The following SNX8 variants were observed in gnomAD, a reference collection of about 807,000 sequenced individuals.
SNX8 encodes sorting nexin 8.
In SNX8, 25 loss-of-function variants were observed where a neutral mutation model predicts 51.6. The observed-to-expected ratio is 0.48, with a 90% CI of 0.35 to 0.68. The LOEUF is 0.68. Ranked by LOEUF, SNX8 falls within the 30% of genes least tolerant of loss-of-function variation. The pLI is 0.00. For missense variants in SNX8, 695 were observed against 624.0 expected (o/e 1.11, Z -1.21); for synonymous variants, 324 against 277.0 (o/e 1.17, Z -1.68).
At chr7:2,351,258 C>G (rs1779133668) in intron 1 of SNX8, among the ~76,000 whole-genome samples, 1 of 152,162 alleles carries the variant, frequency 6.6e-6, no homozygotes, top group Non-Finnish European at 1.5e-5. Flanking sequence ...CTCAGAGGCT[C>G]AGAAATAGAC....
At chr7:2,312,922 G>C (rs1008748078) in intron 1 of SNX8, among the ~76,000 whole-genome samples, 2 of 152,072 alleles carry the variant, frequency 1.3e-5, no homozygotes, top group South Asian at 4.1e-4. Flanking sequence ...TTTTGAGGCG[G>C]AGTCTCGCTC....
At chr7:2,300,419 T>G (rs1796364945) in intron 1 of SNX8, among the ~76,000 whole-genome samples, 1 of 152,012 alleles carries the variant, frequency 6.6e-6, no homozygotes, top group Admixed American at 6.6e-5. Flanking sequence ...GCTTTCTCTC[T>G]TTTTTTTGGA....
At chr7:2,288,519 T>A (rs555619167) in intron 1 of SNX8, 6 of 166,620 alleles carry the variant, frequency 3.6e-5, no homozygotes, top group African/African-American at 1.4e-4. Context: ...CTTTCCCTAC[T>A]CAAAGTGAGT....
intron 1 of SNX8, among the ~76,000 whole-genome samples, chr7:2,349,628 GATTTCACC>G (rs1232674736): frequency 3.3e-5 from 5 of 151,758 alleles, no homozygotes; most frequent in Non-Finnish European, 5.9e-5. Flanking sequence ...GTAAAGATGA[GATTTCACC>G]ATGTTGTCTA....
intron 1 of SNX8, among the ~76,000 whole-genome samples, chr7:2,330,910 C>T (rs925798537): frequency 8.5e-5 from 13 of 152,184 alleles, no homozygotes; most frequent in South Asian, 6.2e-4. Flanking sequence ...AGACACCGGG[C>T]GCGGTGGCTC....
intron 10 of SNX8, 54 bp from the exon 11 acceptor site, chr7:2,255,223 C>A (rs2115083836): frequency 8.6e-7 from 1 of 1,163,146 alleles, no homozygotes; most frequent in Non-Finnish European, 1.2e-6. Context: ...GGCTCCTCCT[C>A]ACGCTCTGAT....
chr7:2,319,814 CAA>C (rs35408698), intron 1 of SNX8, among the ~76,000 whole-genome samples: 4 of 78,454 alleles, frequency 5.1e-5, no homozygotes, highest in Non-Finnish European at 5.1e-5. Flanking sequence ...GACTCCGTCT[CAA>C]AAAAAAAAAA....
At chr7:2,277,033 C>A (rs528738827) in intron 2 of SNX8, among the ~76,000 whole-genome samples, 2 of 152,374 alleles carry the variant, frequency 1.3e-5, no homozygotes, top group Non-Finnish European at 2.9e-5. Context: ...CAGTGCCGTC[C>A]GGCCGGGGCT....
At chr7:2,352,940 G>T (rs1232565974) in intron 1 of SNX8, among the ~76,000 whole-genome samples, 7 of 152,176 alleles carry the variant, frequency 4.6e-5, no homozygotes, top group East Asian at 1.9e-4. Context: ...GCATGATGAG[G>T]AGTAGTCAAA....
chr7:2,329,404 C>T (rs951258118), intron 1 of SNX8, among the ~76,000 whole-genome samples: 7 of 152,204 alleles, frequency 4.6e-5, no homozygotes, highest in South Asian at 2.1e-4. Context: ...ACCCTATTGC[C>T]GGCCTAGTCG....
At chr7:2,271,564 C>T (rs1398564069) in intron 4 of SNX8, among the ~76,000 whole-genome samples, 1 of 152,218 alleles carries the variant, frequency 6.6e-6, no homozygotes, top group African/African-American at 2.4e-5. Context: ...TCTGGCACCT[C>T]CCTAAACCCT....
At chr7:2,263,142 G>A in intron 7 of SNX8, 88 bp downstream of exon 7, 2 of 1,460,248 alleles carry the variant, frequency 1.4e-6, no homozygotes, top group African/African-American at 1.4e-5. Flanking sequence ...AAAACGAACT[G>A]TGACGCCCAT....
rs1258985437 is a variant in SNX8 at position 2,267,329 on chromosome 7, CCCCTCT to C, written c.621+2224_621+2229del. 1.8e-3 allele frequency among the ~76,000 whole-genome samples: 236 copies of C among 131,326 alleles called. 1 individual carries two copies. The highest frequency in any genetic ancestry group is 5.6e-3 in the African/African-American group (179 of 32,212). 86.2% of individuals were successfully genotyped at this position (131,326 alleles called of 152,430 possible). ...CTCCCTCCCCCTCCCCCTCCCCCTCCCCCTCTCCCTCTCCCTCACCCCACAGTCTCC... is the reference window on the plus strand; with the variant it reads ...CTCCCTCCCCCTCCCCCTCCCCCTCCCCCTCTCCCTCACCCCACAGTCTCC... On this transcript the variant is annotated intron_variant, in intron 5 of 10. Coordinates refer to ENST00000222990, the MANE Select transcript of SNX8 (RefSeq NM_013321.4).
intron 1 of SNX8, among the ~76,000 whole-genome samples, chr7:2,301,139 A>AG (rs1298352794): frequency 6.6e-6 from 1 of 152,254 alleles, no homozygotes; most frequent in Admixed American, 6.5e-5. Context: ...TTTATGAGAA[A>AG]GGTCTGTGCA....
intron 1 of SNX8, among the ~76,000 whole-genome samples, chr7:2,278,614 G>A (rs1177106849): frequency 2.9e-5 from 4 of 139,400 alleles, no homozygotes; most frequent in Non-Finnish European, 4.8e-5. Flanking sequence ...CGGAGTCGAC[G>A]CCGGACTCAC....
intron 1 of SNX8, among the ~76,000 whole-genome samples, chr7:2,282,347 G>A (rs1311713062): frequency 6.6e-6 from 1 of 152,134 alleles, no homozygotes; most frequent in Admixed American, 6.6e-5. Flanking sequence ...CTGTGAGAGG[G>A]GGCTGGGCAG....
chr7:2,351,557 GC>G (rs1562466999), intron 1 of SNX8, among the ~76,000 whole-genome samples: 1 of 150,776 alleles, frequency 6.6e-6, no homozygotes, highest in African/African-American at 2.4e-5. Flanking sequence ...AATAGGCCAG[GC>G]GCAGTGGCTC....
In SNX8 at chr7:2,257,418, C is replaced by T. The variant is rs746184528; in HGVS notation, c.1081G>A (p.Ala361Thr). 4 of 1,610,726 alleles carry T rather than the reference C, an allele frequency of 2.5e-6. No homozygotes were observed. The highest frequency in any genetic ancestry group is 1.7e-5 in the Admixed American group (1 of 59,934). The change falls in exon 9 of 11, where the codon GCG becomes ACG. Residue 361 changes from alanine to threonine, a missense_variant. Ala to Thr is a moderately conservative substitution (Grantham distance 58). Coordinates refer to ENST00000222990, the MANE Select transcript of SNX8 (RefSeq NM_013321.4). ...ACGGACTCCGGCTCGCGGTTCTGCG[C>T]GGTGGCGCTCATCATCTGCCTCTTC... ...LMKRQMMSAT[A>T]QNREPESVEQ...
chr7:2,286,604 A>G (rs1459102218), intron 1 of SNX8, among the ~76,000 whole-genome samples: 1 of 147,616 alleles, frequency 6.8e-6, no homozygotes, highest in Admixed American at 6.8e-5. Context: ...TGCAACCTCC[A>G]CCTCCCGGGG....
Sources: allele counts gnomAD v4.1 joint callset (sites outside exome capture counted in the v4.1 genomes callset), GRCh38; gene constraint gnomAD v4.1.1; transcripts MANE v1.5; gene names NCBI Gene and HGNC (gene_info 2026-07-23, HGNC 2026-07-21).